Variants in SLC17A1 observed in about 807,000 individuals in gnomAD.
The protein encoded by SLC17A1 is solute carrier family 17 member 1, also known as sodium-dependent phosphate transport protein 1.
In SLC17A1, 51 loss-of-function variants were observed where a neutral mutation model predicts 53.5. The observed-to-expected ratio is 0.95, with a 90% CI of 0.76 to 1.20. The LOEUF (loss-of-function observed/expected upper bound fraction) is 1.20, where lower values mean the gene tolerates loss of function less well. Ranked by LOEUF, SLC17A1 falls within the 50% of genes most tolerant of loss-of-function variation. SLC17A1 has a pLI of 0.00. For synonymous variants in SLC17A1, 179 were observed against 198.8 expected, an observed-to-expected ratio of 0.90 and a Z score of 0.84; for missense variants, 538 against 568.2, an observed-to-expected ratio of 0.95 and a Z score of 0.54.
chr6:25,733,806 A>ATGTGTG, the SLC17A1 span, among the ~76,000 whole-genome samples: 215 of 133,982 alleles, frequency 1.6e-3, 1 homozygote, highest in South Asian at 4.9e-3. Context: ...GTGTGTGTGT[A>ATGTGTG]TGTGTGTGTG....
intron 10 of SLC17A1, among the ~76,000 whole-genome samples, chr6:25,803,082 G>C (rs1763836469): frequency 6.6e-6 from 1 of 150,918 alleles, no homozygotes; most frequent in Admixed American, 6.6e-5. Flanking sequence ...GAGTAGCTGG[G>C]ACTACAGGCG....
At chr6:25,772,166 A>C in the SLC17A1 span, among the ~76,000 whole-genome samples, 1 of 152,236 alleles carries the variant, frequency 6.6e-6, no homozygotes, top group African/African-American at 2.4e-5. Context: ...AAAACTTTGA[A>C]AGGGCAGGTT....
chr6:25,799,900 G>T (rs1324278476), intron 11 of SLC17A1, among the ~76,000 whole-genome samples: 1 of 152,180 alleles, frequency 6.6e-6, no homozygotes, highest in African/African-American at 2.4e-5. Context: ...TGACCAGGGA[G>T]CTTCTGTGGT....
downstream of SLC17A1, chr6:25,779,492 T>C (rs1763199033): frequency 3.9e-6 from 1 of 258,886 alleles, no homozygotes; most frequent in Non-Finnish European, 7.3e-6. Context: ...AAGCCAGACC[T>C]TGGGACCGAG....
At chr6:25,737,121 G>A in the SLC17A1 span, among the ~76,000 whole-genome samples, 6 of 152,288 alleles carry the variant, frequency 3.9e-5, 1 homozygote, top group South Asian at 1.0e-3. Flanking sequence ...GGATGAGAGG[G>A]TCTTAATTTG....
At chr6:25,751,258 G>A in the SLC17A1 span, among the ~76,000 whole-genome samples, 1 of 152,224 alleles carries the variant, frequency 6.6e-6, no homozygotes. Context: ...ATAATTAAAT[G>A]AGACTTTGAC....
At position 25,784,214 on chromosome 6, in the gene SLC17A1, A is replaced by T. The variant is rs1312319508; in HGVS notation, c.*3-996T>A. Among the ~76,000 whole-genome samples, 7 of 152,344 alleles carry T rather than the reference A, an allele frequency of 4.6e-5. No homozygotes were observed. In the East Asian group the frequency reaches 1.3e-3, roughly 29 times the overall value. On this transcript the variant is annotated intron_variant, in intron 12 of 12. Transcript: ENST00000244527. ...CTAAACATGCTGCAGATGTTTCCAC[A>T]TGTTAGCTGAACATATGTATTCTCT...
the SLC17A1 span, chr6:25,776,987 C>T: frequency 6.3e-7 from 1 of 1,581,708 alleles, no homozygotes; most frequent in Non-Finnish European, 8.6e-7. Context: ...CTCATCCTTT[C>T]AGACACTCAA....
At chr6:25,786,016 T>C (rs887123136) in intron 12 of SLC17A1, among the ~76,000 whole-genome samples, 10 of 152,192 alleles carry the variant, frequency 6.6e-5, no homozygotes, top group African/African-American at 2.4e-4. Flanking sequence ...TAAAAACTTG[T>C]ACACACAAAT....
intron 2 of SLC17A1, among the ~76,000 whole-genome samples, chr6:25,830,018 G>A (rs891867017): frequency 1.3e-5 from 2 of 151,952 alleles, no homozygotes; most frequent in Non-Finnish European, 2.9e-5. Flanking sequence ...ACAATCTATC[G>A]CTCATCTCCT....
the SLC17A1 span, among the ~76,000 whole-genome samples, chr6:25,743,105 T>A: frequency 2.6e-5 from 4 of 152,184 alleles, no homozygotes; most frequent in South Asian, 8.3e-4. Context: ...CATCTCCATG[T>A]GTTGGTACAG....
the SLC17A1 span, among the ~76,000 whole-genome samples, chr6:25,739,852 T>C: frequency 1.3e-5 from 2 of 152,170 alleles, no homozygotes; most frequent in Non-Finnish European, 2.9e-5. Context: ...TTTGTGATGA[T>C]AGAATTGTTC....
the SLC17A1 span, among the ~76,000 whole-genome samples, chr6:25,755,168 T>C: frequency 1.3e-5 from 2 of 152,076 alleles, no homozygotes; most frequent in Non-Finnish European, 2.9e-5. Flanking sequence ...TTTTTAAGCA[T>C]TGATCAAATC....
chr6:25,814,142 AT>A (rs1188956599), intron 6 of SLC17A1, among the ~76,000 whole-genome samples: 3 of 152,242 alleles, frequency 2.0e-5, no homozygotes, highest in African/African-American at 7.2e-5. Flanking sequence ...TATATGAATA[AT>A]TTGACTGTGA....
At chr6:25,780,515 C>G (rs1408031704), downstream of SLC17A1, 1 of 152,126 alleles carries the variant, frequency 6.6e-6, no homozygotes, top group Non-Finnish European at 1.5e-5. Flanking sequence ...GCAAAAGTTT[C>G]ATGGCAGGAG....
chr6:25,776,903 C>T, the SLC17A1 span: 1 of 1,613,838 alleles, frequency 6.2e-7, no homozygotes. Flanking sequence ...TGTCTTCTGC[C>T]ATCAGCAGCT....
intron 6 of SLC17A1, among the ~76,000 whole-genome samples, chr6:25,816,746 T>C (rs1216374846): frequency 2.6e-5 from 4 of 152,218 alleles, no homozygotes; most frequent in African/African-American, 7.2e-5. Flanking sequence ...GGGAGGTTAC[T>C]TGAGACAGAA....
At chr6:25,776,710 A>C in the SLC17A1 span, 2 of 1,613,832 alleles carry the variant, frequency 1.2e-6, no homozygotes, top group Admixed American at 3.3e-5. Context: ...ACCATCAGGA[A>C]ACTCTTCACT....
the SLC17A1 span, among the ~76,000 whole-genome samples, chr6:25,775,633 G>A: frequency 6.6e-6 from 1 of 151,796 alleles, no homozygotes; most frequent in Non-Finnish European, 1.5e-5. Flanking sequence ...TTGTTATATT[G>A]GCTAGGCTGG....
Sources: gnomAD v4.1 joint callset for allele counts (sites outside exome capture counted in the v4.1 genomes callset) on GRCh38, gnomAD v4.1.1 for gene constraint, MANE v1.5 for transcripts, NCBI Gene and HGNC (gene_info 2026-07-23, HGNC 2026-07-21) for gene names.